The following LMAN1 variants were observed in gnomAD, a reference collection of about 807,000 sequenced individuals.
LMAN1 encodes lectin, mannose binding 1, also known as protein ERGIC-53.
Under a neutral mutation model 67.8 loss-of-function variants are expected in LMAN1, and 32 were observed. The ratio of observed to expected loss-of-function variants is 0.47; its 90% CI spans 0.36 to 0.63. The LOEUF (loss-of-function observed/expected upper bound fraction) is 0.63. LMAN1 is among the 30% of genes least tolerant of loss of function. The probability of loss-of-function intolerance (pLI) is 0.00; values close to 1 mark genes in which losing one functional copy is unlikely to be tolerated. For missense variants in LMAN1, 632 were observed against 628.2 expected (o/e 1.01, Z -0.06); for synonymous variants, 235 against 219.3 (o/e 1.07, Z -0.63).
At chr18:59,334,554 C>T (rs574465660) in intron 10 of LMAN1, among the ~76,000 whole-genome samples, 12 of 152,140 alleles carry the variant, frequency 7.9e-5, no homozygotes, top group East Asian at 7.7e-4. Flanking sequence ...CTGGACAGAA[C>T]GCTTGAAAAG....
intron 8 of LMAN1, 82 bp from the exon 9 acceptor site, chr18:59,339,035 A>G: frequency 8.6e-7 from 1 of 1,162,812 alleles, no homozygotes; most frequent in Non-Finnish European, 1.3e-6. Context: ...CAAAGTGCCA[A>G]CATTCAGCAA....
intron 1 of LMAN1, among the ~76,000 whole-genome samples, chr18:59,357,714 C>T (rs1386378432): frequency 6.6e-6 from 1 of 152,046 alleles, no homozygotes; most frequent in Admixed American, 6.6e-5. Flanking sequence ...AATAGCGCTT[C>T]CTAAAAGGGT....
At chr18:59,342,327 G>A (rs1397178343) in intron 8 of LMAN1, among the ~76,000 whole-genome samples, 3 of 152,098 alleles carry the variant, frequency 2.0e-5, no homozygotes, top group East Asian at 3.9e-4. Context: ...TATGAGGGCG[G>A]TATCACCCTG....
chr18:59,353,542 CAAAAG>C (rs780426448), intron 4 of LMAN1, among the ~76,000 whole-genome samples: 113 of 152,218 alleles, frequency 7.4e-4, no homozygotes, highest in Non-Finnish European at 1.5e-3. Flanking sequence ...GAAGCAGAAT[CAAAAG>C]GAGGTGGCCT....
intron 10 of LMAN1, among the ~76,000 whole-genome samples, chr18:59,334,240 A>G (rs1236749924): frequency 6.6e-6 from 1 of 152,226 alleles, no homozygotes; most frequent in African/African-American, 2.4e-5. Context: ...CCAAAGATTG[A>G]GTCACTTAAT....
Position 59,359,012 on chromosome 18 carries a change from G to A in LMAN1, c.214+19C>T, listed in dbSNP as rs753081796. ...AAGGGGGAGAGGAACCCGGCCCCCA[G>A]CCCTCTGCTCCGGCTTACTCCCCGC... On this transcript the variant is annotated intron_variant, in intron 1 of 12. Transcript: ENST00000251047. 1.9e-6 allele frequency: 3 copies of A among 1,610,744 alleles called. No individual in the cohort carries two copies. The highest frequency in any genetic ancestry group is 2.5e-6 in the Non-Finnish European group (3 of 1,177,790).
Position 59,334,879 on chromosome 18 carries a change from C to T in LMAN1, c.1221-1635G>A, listed in dbSNP as rs768270880. Among the ~76,000 whole-genome samples the T allele has an allele frequency of 9.6e-4, 146 of 151,998 alleles. 1 individual carries two copies. Among genetic ancestry groups the T allele is most frequent in the Non-Finnish European group, 3.2e-4 (22 of 68,006 alleles). On this transcript the variant is annotated intron_variant, in intron 10 of 12. Coordinates refer to ENST00000251047, the MANE Select transcript of LMAN1 (RefSeq NM_005570.4). Reference sequence around the variant, plus strand: ...AAGCTAAATCCTAAAGAAAAAGTTCCAGAGCACTAGTTCAGAAACTTGAGC... The same window carrying T: ...AAGCTAAATCCTAAAGAAAAAGTTCTAGAGCACTAGTTCAGAAACTTGAGC...
chr18:59,357,063 C>T (rs372498802), intron 1 of LMAN1, among the ~76,000 whole-genome samples: 12 of 150,818 alleles, frequency 8.0e-5, no homozygotes, highest in Non-Finnish European at 1.8e-4. Context: ...CAGAGCAAAA[C>T]GAAAAGAAAA....
intron 8 of LMAN1, among the ~76,000 whole-genome samples, chr18:59,340,359 A>G (rs1485982934): frequency 6.6e-6 from 1 of 152,214 alleles, no homozygotes; most frequent in Non-Finnish European, 1.5e-5. Flanking sequence ...TCTAAAGTCA[A>G]TGTGAAATAA....
At chr18:59,358,958 G>T in intron 1 of LMAN1, 73 bp downstream of exon 1, 1 of 1,465,476 alleles carries the variant, frequency 6.8e-7, no homozygotes, top group Non-Finnish European at 9.5e-7. Context: ...CACCAGGGTA[G>T]CCGCGGATGA....
intron 6 of LMAN1, among the ~76,000 whole-genome samples, chr18:59,348,581 T>G (rs760172772): frequency 6.6e-6 from 1 of 152,246 alleles, no homozygotes; most frequent in African/African-American, 2.4e-5. Context: ...AAACATAAAA[T>G]GGCATTGACG....
rs563266025 is a variant in LMAN1 at position 59,345,588 on chromosome 18, T to G, written c.955+331A>C. On this transcript the variant is annotated intron_variant, in intron 8 of 12. Coordinates refer to ENST00000251047, the MANE Select transcript of LMAN1 (RefSeq NM_005570.4). Reference sequence around the variant, plus strand: ...AACCTGAACTACTAGGTTAGCATTGTTTTGGATTTATTTTTAGGCTTAGTG... The same window carrying G: ...AACCTGAACTACTAGGTTAGCATTGGTTTGGATTTATTTTTAGGCTTAGTG... Among the ~76,000 whole-genome samples, 6 of 152,356 alleles carry G rather than the reference T, an allele frequency of 3.9e-5. No individual in the cohort carries two copies. The South Asian group carries it at 1.0e-3, about 26-fold the overall frequency.
intron 10 of LMAN1, among the ~76,000 whole-genome samples, chr18:59,335,542 G>A (rs1450997561): frequency 1.3e-5 from 2 of 152,168 alleles, no homozygotes; most frequent in East Asian, 3.8e-4. Context: ...AGAGGGAATG[G>A]GTGGGAAACA....
At chr18:59,335,570 G>A (rs531508012) in intron 10 of LMAN1, among the ~76,000 whole-genome samples, 1 of 152,310 alleles carries the variant, frequency 6.6e-6, no homozygotes, top group African/African-American at 2.4e-5. Flanking sequence ...AGAAGGGGAG[G>A]ATGGGAAAGT....
chr18:59,331,969 C>A (rs1003928506), intron 11 of LMAN1, among the ~76,000 whole-genome samples: 15 of 152,172 alleles, frequency 9.9e-5, no homozygotes, highest in Admixed American at 3.9e-4. Flanking sequence ...AACTACTTGA[C>A]AAACAGACTG....
intron 5 of LMAN1, among the ~76,000 whole-genome samples, chr18:59,351,878 A>T (rs1390509448): frequency 6.6e-6 from 1 of 152,190 alleles, no homozygotes; most frequent in Non-Finnish European, 1.5e-5. Context: ...ACCCAAGCTA[A>T]TTATAATACA....
intron 5 of LMAN1, among the ~76,000 whole-genome samples, chr18:59,351,066 A>G (rs1007552107): frequency 1.3e-5 from 2 of 152,174 alleles, no homozygotes; most frequent in Non-Finnish European, 2.9e-5. Context: ...TTTCCCTCCA[A>G]TGTGGAAACA....
chr18:59,328,565 C>A lies in LMAN1; in HGVS notation c.*2528G>T, dbSNP rs951815607. The A allele has an allele frequency of 6.6e-6, 1 of 152,034 alleles. No homozygotes were observed. Among genetic ancestry groups the A allele is most frequent in the African/African-American group, 2.4e-5 (1 of 41,370 alleles). 9.4% of individuals were successfully genotyped at this position (152,034 alleles called of 1,614,324 possible). On this transcript the variant is annotated 3_prime_UTR_variant, in exon 13 of 13. Transcript: ENST00000251047. Reference sequence around the variant, plus strand: ...AGCTCAGCTCTAAATTAACAAAACACCTATTTTTTTTTTCCCACTCCTCAT... The same window carrying A: ...AGCTCAGCTCTAAATTAACAAAACAACTATTTTTTTTTTCCCACTCCTCAT...
At chr18:59,344,885 A>C (rs1320738611) in intron 8 of LMAN1, among the ~76,000 whole-genome samples, 2 of 152,230 alleles carry the variant, frequency 1.3e-5, no homozygotes, top group East Asian at 3.8e-4. Context: ...ACTAATCTAC[A>C]GTGATAACAA....
Sources: allele counts gnomAD v4.1 joint callset (sites outside exome capture counted in the v4.1 genomes callset), GRCh38; gene constraint gnomAD v4.1.1; transcripts MANE v1.5; gene names NCBI Gene and HGNC (gene_info 2026-07-23, HGNC 2026-07-21).